The following GNA14 variants were observed in gnomAD, a reference collection of about 807,000 sequenced individuals.
The protein encoded by GNA14 is G protein subunit alpha 14, also known as guanine nucleotide-binding protein subunit alpha-14.
A neutral mutation model predicts 42.0 loss-of-function variants in GNA14; 50 were observed. The ratio of observed to expected loss-of-function variants is 1.19; its 90% CI spans 0.95 to 1.51. GNA14 has a LOEUF of 1.51. GNA14 is among the 40% of genes most tolerant of loss of function. GNA14 has a pLI of 0.00. For missense variants in GNA14, 473 were observed against 446.2 expected, an observed-to-expected ratio of 1.06 and a Z score of -0.54; for synonymous variants, 173 against 163.1, an observed-to-expected ratio of 1.06 and a Z score of -0.46.
chr9:77,648,059 G>C lies in GNA14; in HGVS notation c.-266C>G. ...CTCAGCCCGCCCCACTCTCGCTCTGGGGAGGAGGAGGGCGAGTCGAGAAGT... is the reference window on the plus strand; with the variant it reads ...CTCAGCCCGCCCCACTCTCGCTCTGCGGAGGAGGAGGGCGAGTCGAGAAGT... On this transcript the variant is annotated 5_prime_UTR_variant, in exon 1 of 7. Transcript: ENST00000341700. The C allele has an allele frequency of 2.0e-6, 1 of 492,254 alleles. No individual in the cohort carries two copies. The highest frequency in any genetic ancestry group is 2.0e-5 in the African/African-American group (1 of 48,916). The allele number at this position is 492,254 out of a possible 1,614,324, so 30.5% of individuals were successfully genotyped here.
chr9:77,430,354 T>C (rs1835525184), intron 4 of GNA14, among the ~76,000 whole-genome samples: 1 of 152,150 alleles, frequency 6.6e-6, no homozygotes, highest in African/African-American at 2.4e-5. Context: ...AGGATAAACT[T>C]AGAAGAAATA....
intron 1 of GNA14, among the ~76,000 whole-genome samples, chr9:77,544,001 T>TA (rs1371214550): frequency 2.6e-5 from 4 of 152,210 alleles, no homozygotes; most frequent in African/African-American, 9.6e-5. Context: ...ATGGTATTCC[T>TA]AAAAAAATCA....
chr9:77,465,891 G>A (rs1316637419), intron 2 of GNA14, among the ~76,000 whole-genome samples: 1 of 152,174 alleles, frequency 6.6e-6, no homozygotes, highest in Non-Finnish European at 1.5e-5. Context: ...ACAGGCATGT[G>A]CCACCAGGCT....
chr9:77,493,265 A>G (rs1836817563), intron 2 of GNA14, among the ~76,000 whole-genome samples: 1 of 151,892 alleles, frequency 6.6e-6, no homozygotes, highest in Non-Finnish European at 1.5e-5. Context: ...GTGCCTCCTT[A>G]GTGAAACTTC....
At chr9:77,637,693 G>T (rs978203706) in intron 1 of GNA14, among the ~76,000 whole-genome samples, 4 of 152,018 alleles carry the variant, frequency 2.6e-5, no homozygotes, top group Non-Finnish European at 4.4e-5. Flanking sequence ...CATCTCCAAA[G>T]AAATATTTAA....
intron 2 of GNA14, among the ~76,000 whole-genome samples, chr9:77,468,981 C>T (rs1836282102): frequency 6.6e-6 from 1 of 152,204 alleles, no homozygotes; most frequent in African/African-American, 2.4e-5. Flanking sequence ...TGAATTTCAG[C>T]AGCCCTTAGC....
intron 1 of GNA14, among the ~76,000 whole-genome samples, chr9:77,597,197 C>T (rs1352702679): frequency 6.6e-6 from 1 of 152,182 alleles, no homozygotes; most frequent in Non-Finnish European, 1.5e-5. Flanking sequence ...AACAATGTTA[C>T]AGCTATTGGC....
intron 5 of GNA14, 147 bp from the exon 6 acceptor site, chr9:77,425,862 C>G: frequency 1.5e-6 from 1 of 647,000 alleles, no homozygotes; most frequent in South Asian, 1.9e-5. Context: ...ATGTGGGGCC[C>G]CAGGCTACAG....
chr9:77,629,210 A>G (rs1336011010), intron 1 of GNA14, among the ~76,000 whole-genome samples: 3 of 152,216 alleles, frequency 2.0e-5, no homozygotes, highest in Non-Finnish European at 4.4e-5. Flanking sequence ...AATGGCGATC[A>G]TTAAAAAGTC....
chr9:77,431,024 TTGTGTGTGTGTGTG>T (rs10631280), intron 4 of GNA14, among the ~76,000 whole-genome samples: 14 of 101,524 alleles, frequency 1.4e-4, no homozygotes, highest in African/African-American at 4.5e-4. Context: ...AAGTATACAT[TTGTGTGTGTGTGTG>T]TGTGTGTGTG....
At chr9:77,547,506 AAAAGAGAACAATCTGCAGCTTCCTTTCAT>A (rs1366344363) in intron 1 of GNA14, among the ~76,000 whole-genome samples, 2 of 152,264 alleles carry the variant, frequency 1.3e-5, no homozygotes, top group Admixed American at 6.5e-5. Flanking sequence ...GTAAGGAAGC[AAAAGAGAACAATCTGCAGCTTCCTTTCAT>A]TTTACCCCAG....
intron 1 of GNA14, among the ~76,000 whole-genome samples, chr9:77,592,650 C>T (rs1477545405): frequency 6.6e-6 from 1 of 152,184 alleles, no homozygotes; most frequent in Admixed American, 6.5e-5. Context: ...TCTAAACATT[C>T]GAGTTTGTAA....
intron 2 of GNA14, among the ~76,000 whole-genome samples, chr9:77,517,212 A>C (rs1425275760): frequency 6.6e-6 from 1 of 152,164 alleles, no homozygotes. Flanking sequence ...TTTCCTGCCC[A>C]TAGATGCTTG....
At chr9:77,449,545 G>A (rs1209492247) in intron 2 of GNA14, among the ~76,000 whole-genome samples, 4 of 152,282 alleles carry the variant, frequency 2.6e-5, no homozygotes, top group South Asian at 2.1e-4. Context: ...GTGGCCAGAC[G>A]TTTCTAGAGA....
chr9:77,582,648 C>T (rs557143977), intron 1 of GNA14, among the ~76,000 whole-genome samples: 1 of 152,326 alleles, frequency 6.6e-6, no homozygotes, highest in South Asian at 2.1e-4. Flanking sequence ...ACTCCCTCAT[C>T]CCAGCTGCCA....
Position 77,478,059 on chromosome 9 carries a change from G to A in GNA14, c.310-43537C>T, listed in dbSNP as rs185487746. Among the ~76,000 whole-genome samples the A allele has an allele frequency of 3.5e-3, 535 of 151,464 alleles. 5 individuals carry two copies. Among genetic ancestry groups the A allele is most frequent in the African/African-American group, 0.013 (524 of 41,284 alleles). ...TTTTTTTTTAAACTTTAAGTTTTAG[G>A]GTACATATGCATAATGTGCAGGGTT... On this transcript the variant is annotated intron_variant, in intron 2 of 6. Transcript: ENST00000341700.
chr9:77,476,029 CA>C (rs1391419322), intron 2 of GNA14, among the ~76,000 whole-genome samples: 1 of 152,134 alleles, frequency 6.6e-6, no homozygotes, highest in Non-Finnish European at 1.5e-5. Flanking sequence ...GGCAGAAATA[CA>C]TGTGACTAAG....
intron 1 of GNA14, among the ~76,000 whole-genome samples, chr9:77,547,844 T>C (rs1408422743): frequency 6.6e-6 from 1 of 152,166 alleles, no homozygotes; most frequent in Middle Eastern, 3.2e-3. Flanking sequence ...ACATCATCAT[T>C]TGTTGTGAGA....
intron 2 of GNA14, among the ~76,000 whole-genome samples, chr9:77,477,312 A>T (rs983426844): frequency 2.6e-5 from 4 of 152,222 alleles, no homozygotes; most frequent in Admixed American, 6.5e-5. Context: ...CTGCAACTGC[A>T]TTCCAGCCTG....
Sources: allele counts gnomAD v4.1 joint callset (sites outside exome capture counted in the v4.1 genomes callset), GRCh38; gene constraint gnomAD v4.1.1; transcripts MANE v1.5; gene names NCBI Gene and HGNC (gene_info 2026-07-23, HGNC 2026-07-21).